The following MOCOS variants were observed in gnomAD, a reference collection of about 807,000 sequenced individuals.
MOCOS encodes human molybdenum cofactor sulfurase.
A neutral mutation model predicts 83.6 loss-of-function variants in MOCOS; 86 were observed. The observed-to-expected ratio is 1.03, with a 90% CI of 0.86 to 1.23. The LOEUF (loss-of-function observed/expected upper bound fraction) is 1.23. Among genes scored for constraint, MOCOS ranks in the 50% most tolerant of loss-of-function variants. The pLI, the probability that MOCOS is intolerant of heterozygous loss-of-function variation, is 0.00. For missense variants in MOCOS, 1,120 were observed against 1,126.9 expected (o/e 0.99, Z 0.09); for synonymous variants, 445 against 434.7 (o/e 1.02, Z -0.29).
intron 8 of MOCOS, among the ~76,000 whole-genome samples, chr18:36,218,130 G>A (rs760540429): frequency 1.7e-4 from 26 of 152,292 alleles, no homozygotes; most frequent in Non-Finnish European, 3.4e-4. Flanking sequence ...CTGCTGGTGG[G>A]ACGGCTACAC....
At chr18:36,192,528 A>G (rs2091370178) in intron 1 of MOCOS, among the ~76,000 whole-genome samples, 1 of 152,226 alleles carries the variant, frequency 6.6e-6, no homozygotes, top group African/African-American at 2.4e-5. Flanking sequence ...ATAATCCCCA[A>G]ATTAATATAC....
intron 1 of MOCOS, among the ~76,000 whole-genome samples, chr18:36,191,901 G>A (rs937185117): frequency 6.6e-6 from 1 of 152,166 alleles, no homozygotes. Flanking sequence ...CATAGTAGGT[G>A]CTCAATAAAT....
At chr18:36,213,183 T>C (rs966157832) in intron 6 of MOCOS, among the ~76,000 whole-genome samples, 183 bp from the exon 7 acceptor site, 2 of 152,186 alleles carry the variant, frequency 1.3e-5, no homozygotes, top group Non-Finnish European at 2.9e-5. Context: ...GAAGCCACTG[T>C]CTCCAGCCCC....
At chr18:36,226,537 A>G (rs2091516166) in intron 9 of MOCOS, among the ~76,000 whole-genome samples, 1 of 151,948 alleles carries the variant, frequency 6.6e-6, no homozygotes, top group African/African-American at 2.4e-5. Flanking sequence ...AAATATATTT[A>G]GAGTAATTAT....
At chr18:36,222,528 T>C (rs1224279646) in intron 9 of MOCOS, among the ~76,000 whole-genome samples, 3 of 152,136 alleles carry the variant, frequency 2.0e-5, no homozygotes, top group African/African-American at 7.2e-5. Context: ...CCATTGACCA[T>C]TAGTACATCT....
chr18:36,204,989 C>G (rs1156694977), intron 5 of MOCOS, 88 bp from the exon 6 acceptor site: 1 of 805,730 alleles, frequency 1.2e-6, no homozygotes, highest in Non-Finnish European at 1.8e-6. Flanking sequence ...TGAGTGAGAC[C>G]GTGTCTCAAA....
intron 13 of MOCOS, among the ~76,000 whole-genome samples, chr18:36,261,927 G>A (rs1273127471): frequency 1.3e-5 from 2 of 152,090 alleles, no homozygotes; most frequent in Admixed American, 6.6e-5. Flanking sequence ...AGAAAAAAAA[G>A]GGAAGAGAAC....
chr18:36,200,059 C>G lies in MOCOS; in HGVS notation c.676C>G (p.Pro226Ala), dbSNP rs774158675. Residue 226 changes from proline (P) to alanine (A), a missense_variant, in exon 4 of 15, where the codon CCT becomes GCT. Transcript: ENST00000261326. Reference protein sequence around the residue: ...IEEVKSGRLHPVSTPGKWFVL... With the variant: ...IEEVKSGRLHAVSTPGKWFVL... ...AGAGGTCAAGTCTGGGCGGTTGCAC[C>G]CTGTGAGCACGCCTGGGAAGTGGTT... is the stretch of plus-strand genomic sequence containing the variant. 3 of 1,614,098 alleles carry G rather than the reference C, an allele frequency of 1.9e-6. No individual in the cohort carries two copies. The highest frequency in any genetic ancestry group is 2.5e-6 in the Non-Finnish European group (3 of 1,179,978).
intron 6 of MOCOS, among the ~76,000 whole-genome samples, chr18:36,209,421 T>C (rs2091446131): frequency 7.2e-6 from 1 of 138,736 alleles, no homozygotes; most frequent in African/African-American, 2.5e-5. Flanking sequence ...GTTTCTGAGA[T>C]TTTGGTGCAT....
chr18:36,215,800 G>A lies in MOCOS; in HGVS notation c.1620G>A (p.Arg540=), dbSNP rs560836142. ...SPQEDALTGS[R]VWNNSSTVNA... ...AGGAAGATGCCCTCACAGGCTCCAG[G>A]GTTTGGAACAACTCGTCTACTGTGA... Residue 540 remains arginine, a synonymous_variant, in exon 8 of 15, where the codon AGG becomes AGA. Transcript: ENST00000261326. 2 of 1,614,234 alleles carry A rather than the reference G, an allele frequency of 1.2e-6. No individual in the cohort carries two copies. The highest frequency in any genetic ancestry group is 4.5e-5 in the East Asian group (2 of 44,888).
chr18:36,207,453 G>A (rs1246201573), intron 6 of MOCOS, among the ~76,000 whole-genome samples: 1 of 152,028 alleles, frequency 6.6e-6, no homozygotes, highest in Non-Finnish European at 1.5e-5. Context: ...CACAACCTCA[G>A]CAGCATATGT....
rs1360976577 is a variant in MOCOS, at chr18:36,270,000, A to G, written c.*1315A>G. 1.3e-5 allele frequency: 2 copies of G among 152,268 alleles called. No individual in the cohort carries two copies. The highest frequency in any genetic ancestry group is 4.8e-5 in the African/African-American group (2 of 41,464). The allele number at this position is 152,268 out of a possible 1,614,324, so 9.4% of individuals were successfully genotyped here. On this transcript the variant is annotated 3_prime_UTR_variant, in exon 15 of 15. Transcript: ENST00000261326. The stretch of plus-strand genomic sequence containing the variant: ...TTCCCAGCACTAGGTGAGATTTGAA[A>G]GATGAGGTGTGCTCTGTTCTCAAGG...
At chr18:36,218,571 G>A (rs1174785040) in intron 8 of MOCOS, among the ~76,000 whole-genome samples, 4 of 152,034 alleles carry the variant, frequency 2.6e-5, no homozygotes, top group South Asian at 2.1e-4. Context: ...CTGGAATACA[G>A]TGCTGCCATC....
chr18:36,200,743 C>T (rs1212747018), intron 4 of MOCOS, among the ~76,000 whole-genome samples: 2 of 152,312 alleles, frequency 1.3e-5, no homozygotes, highest in African/African-American at 2.4e-5. Context: ...AAAGTCTGCC[C>T]ACACATTGAC....
rs1273435205 is a variant in MOCOS, at chr18:36,215,727, A to G, written c.1547A>G (p.Gln516Arg). 2 of 1,614,218 alleles carry G rather than the reference A, an allele frequency of 1.2e-6. No homozygotes were observed. Among genetic ancestry groups the G allele is most frequent in the South Asian group, 2.2e-5 (2 of 91,088 alleles). Residue 516 changes from glutamine to arginine, a missense_variant, in exon 8 of 15, where the codon CAG (glutamine) becomes CGG (arginine). Coordinates refer to ENST00000261326, the MANE Select transcript of MOCOS (RefSeq NM_017947.4). The part of the protein sequence containing the change: ...GETGAPSADS[Q>R]ADVIPAVMGR... ...ACTGGAGCCCCATCAGCAGACAGCC[A>G]GGCTGATGTTATACCTGCTGTCATG...
At position 36,260,144 on chromosome 18, in the gene MOCOS, A is replaced by G. The variant is rs1203699993; in HGVS notation, c.2378A>G (p.Asp793Gly). Residue 793 changes from aspartate to glycine, a missense_variant, in exon 13 of 15, where the codon GAT becomes GGT. Coordinates refer to ENST00000261326, the MANE Select transcript of MOCOS (RefSeq NM_017947.4). ...AGGGCTTTTGAAGAAGAGAAATGGG[A>G]TGAGATTTCAATTGGCTCTTTGCGT... ...GKRAFEEEKW[D>G]EISIGSLRFQ... The G allele has an allele frequency of 3.1e-6, 5 of 1,614,068 alleles. No homozygotes were observed. Among genetic ancestry groups the G allele is most frequent in the Admixed American group, 3.3e-5 (2 of 60,004 alleles).
intron 14 of MOCOS, among the ~76,000 whole-genome samples, chr18:36,267,348 A>G (rs941821720): frequency 9.2e-5 from 14 of 152,228 alleles, no homozygotes; most frequent in African/African-American, 3.4e-4. Flanking sequence ...TTCTTTAGAA[A>G]GATTTATTTT....
chr18:36,199,651 C>A (rs200806198), intron 3 of MOCOS, 32 bp from the exon 4 acceptor site: 1 of 1,611,854 alleles, frequency 6.2e-7, no homozygotes, highest in African/African-American at 1.3e-5. Flanking sequence ...GGCTGAGATC[C>A]GCGGGTTGCG....
intron 4 of MOCOS, 128 bp downstream of exon 4, chr18:36,200,452 A>G: frequency 1.7e-6 from 2 of 1,203,306 alleles, no homozygotes; most frequent in South Asian, 2.9e-5. Context: ...GCTGGCAGGG[A>G]CAGGCTGATG....
Sources: gnomAD v4.1 joint callset for allele counts (sites outside exome capture counted in the v4.1 genomes callset) on GRCh38, gnomAD v4.1.1 for gene constraint, MANE v1.5 for transcripts, NCBI Gene and HGNC (gene_info 2026-07-23, HGNC 2026-07-21) for gene names.